Variants in CFAP107 observed in about 807,000 individuals in gnomAD.
CFAP107 encodes cilia- and flagella-associated protein 107.
At chr1:12,759,758 C>A in the CFAP107 span, 1 of 543,356 alleles carries the variant, frequency 1.8e-6, no homozygotes, top group Non-Finnish European at 3.3e-6. Flanking sequence ...GGAGCAACAT[C>A]CACGCATCCT....
chr1:12,753,938 C>G, the CFAP107 span: 1 of 151,776 alleles, frequency 6.6e-6, no homozygotes, highest in African/African-American at 2.4e-5. Context: ...AAGAAAACAT[C>G]GGGGAAAATT....
the CFAP107 span, among the ~76,000 whole-genome samples, chr1:12,758,410 T>C: frequency 1.3e-5 from 2 of 152,182 alleles, no homozygotes; most frequent in Non-Finnish European, 2.9e-5. Flanking sequence ...CAAGTCACTT[T>C]GGCATTAGAA....
At chr1:12,760,811 A>G in the CFAP107 span, 2 of 1,614,138 alleles carry the variant, frequency 1.2e-6, no homozygotes, top group Non-Finnish European at 1.7e-6. Flanking sequence ...GCTCAAGCAG[A>G]GACAGCTCAC....
At chr1:12,750,541 T>C in the CFAP107 span, among the ~76,000 whole-genome samples, 3 of 152,186 alleles carry the variant, frequency 2.0e-5, no homozygotes, top group Non-Finnish European at 4.4e-5. Context: ...AGCAAAAAGA[T>C]ATTTTGTGCA....
chr1:12,760,115 G>A, the CFAP107 span, among the ~76,000 whole-genome samples: 1 of 152,042 alleles, frequency 6.6e-6, no homozygotes, highest in Non-Finnish European at 1.5e-5. Context: ...TGAGGGGGAG[G>A]ACATTCCAGA....
At chr1:12,755,659 T>C in the CFAP107 span, 2 of 1,353,162 alleles carry the variant, frequency 1.5e-6, no homozygotes, top group Non-Finnish European at 1.1e-6. Context: ...GTTTGAGAAG[T>C]GGCATCTCAG....
the CFAP107 span, among the ~76,000 whole-genome samples, chr1:12,752,409 A>C: frequency 2.2e-4 from 33 of 150,942 alleles, no homozygotes; most frequent in African/African-American, 7.3e-4. Context: ...ACATGATGAA[A>C]CCTTGTCCCT....
At chr1:12,759,236 G>GTCTCCACCATGGCCTGT in the CFAP107 span, 3 of 1,537,648 alleles carry the variant, frequency 2.0e-6, no homozygotes, top group African/African-American at 4.1e-5. Flanking sequence ...ACATGTGGCA[G>GTCTCCACCATGGCCTGT]CTCCTGTCTC....
chr1:12,752,409 A>G, the CFAP107 span, among the ~76,000 whole-genome samples: 1 of 150,944 alleles, frequency 6.6e-6, no homozygotes, highest in Admixed American at 6.6e-5. Flanking sequence ...ACATGATGAA[A>G]CCTTGTCCCT....
At chr1:12,756,318 C>T in the CFAP107 span, among the ~76,000 whole-genome samples, 2 of 152,220 alleles carry the variant, frequency 1.3e-5, no homozygotes, top group East Asian at 1.9e-4. Flanking sequence ...GCATTGCAAC[C>T]TCAGAACATG....
chr1:12,747,457 A>G, the CFAP107 span, among the ~76,000 whole-genome samples: 4 of 152,202 alleles, frequency 2.6e-5, no homozygotes, highest in South Asian at 8.3e-4. Context: ...CTGAGTTGGC[A>G]AAGTTTCAAG....
At chr1:12,747,423 A>G in the CFAP107 span, among the ~76,000 whole-genome samples, 4 of 152,116 alleles carry the variant, frequency 2.6e-5, no homozygotes, top group African/African-American at 4.8e-5. Context: ...ACTGTGTTTT[A>G]AAGGTCTTTG....
the CFAP107 span, among the ~76,000 whole-genome samples, chr1:12,753,149 G>C: frequency 6.6e-6 from 1 of 152,028 alleles, no homozygotes; most frequent in African/African-American, 2.4e-5. Flanking sequence ...TTTAAGAGTA[G>C]ACTTAACCAA....
the CFAP107 span, chr1:12,746,629 G>C: frequency 3.2e-6 from 3 of 945,406 alleles, no homozygotes; most frequent in Non-Finnish European, 5.1e-6. Context: ...TTCAAATGGA[G>C]GGCAGCAGAT....
the CFAP107 span, among the ~76,000 whole-genome samples, chr1:12,758,155 CCTGA>C: frequency 6.6e-6 from 1 of 152,136 alleles, no homozygotes; most frequent in Non-Finnish European, 1.5e-5. Flanking sequence ...GCTGGTTCTT[CCTGA>C]TGTGGCCCTG....
At chr1:12,746,340 C>T in the CFAP107 span, 1 of 1,006,888 alleles carries the variant, frequency 9.9e-7, no homozygotes, top group Non-Finnish European at 1.5e-6. Flanking sequence ...AAAATAGGCA[C>T]CCCAAACTCA....
chr1:12,751,447 C>T, the CFAP107 span, among the ~76,000 whole-genome samples: 1 of 151,912 alleles, frequency 6.6e-6, no homozygotes, highest in Non-Finnish European at 1.5e-5. Flanking sequence ...GCCAACATGG[C>T]GAAATCCCGT....
chr1:12,750,342 A>T, the CFAP107 span, among the ~76,000 whole-genome samples: 1 of 152,232 alleles, frequency 6.6e-6, no homozygotes, highest in African/African-American at 2.4e-5. Flanking sequence ...AGACATACAG[A>T]AAACAAATAC....
chr1:12,760,756 G>T, the CFAP107 span: 17 of 1,610,898 alleles, frequency 1.1e-5, no homozygotes, highest in Non-Finnish European at 1.4e-5. Context: ...ACTGGACCCT[G>T]GTTTCTCTTG....
Sources: gnomAD v4.1 joint callset for allele counts (sites outside exome capture counted in the v4.1 genomes callset) on GRCh38, gnomAD v4.1.1 for gene constraint, MANE v1.5 for transcripts, NCBI Gene and HGNC (gene_info 2026-07-23, HGNC 2026-07-21) for gene names.